The following GALNT2 variants were observed in gnomAD, a reference collection of about 807,000 sequenced individuals.
The protein encoded by GALNT2 is UDP-GalNAc:polypeptide N-acetylgalactosaminyltransferase 2.
GALNT2 carries 31 observed loss-of-function variants against 81.4 expected under a neutral mutation model. The observed-to-expected ratio is 0.38, with a 90% CI of 0.29 to 0.51. GALNT2 has a LOEUF of 0.51. Ranked by LOEUF, GALNT2 falls within the 20% of genes least tolerant of loss-of-function variation. GALNT2 has a pLI of 0.87. For missense variants in GALNT2, 629 were observed against 765.7 expected (o/e 0.82, Z 2.11); for synonymous variants, 303 against 287.4 (o/e 1.05, Z -0.55).
intron 1 of GALNT2, among the ~76,000 whole-genome samples, chr1:230,122,199 G>A (rs1661037772): frequency 6.6e-6 from 1 of 151,912 alleles, no homozygotes; most frequent in Non-Finnish European, 1.5e-5. Context: ...ACAGACAGCT[G>A]GTGCTTTCCT....
chr1:230,101,223 A>G (rs1166481249), intron 1 of GALNT2, among the ~76,000 whole-genome samples: 3 of 152,250 alleles, frequency 2.0e-5, no homozygotes, highest in Admixed American at 1.3e-4. Context: ...ACATATGTGT[A>G]TGCCTGTATA....
intron 13 of GALNT2, 87 bp downstream of exon 13, chr1:230,263,092 G>A (rs1455170670): frequency 8.9e-7 from 1 of 1,122,604 alleles, no homozygotes; most frequent in Non-Finnish European, 1.3e-6. Context: ...AATGGAGGTG[G>A]GGCTGCAGGC....
chr1:230,175,103 A>G (rs926100038), intron 1 of GALNT2, among the ~76,000 whole-genome samples: 7 of 152,156 alleles, frequency 4.6e-5, no homozygotes, highest in African/African-American at 9.7e-5. Context: ...GTAGGGGTGG[A>G]GAGAAGAGAG....
intron 6 of GALNT2, among the ~76,000 whole-genome samples, chr1:230,240,241 G>C (rs553176755): frequency 6.6e-6 from 1 of 152,090 alleles, no homozygotes; most frequent in African/African-American, 2.4e-5. Context: ...TGTTATTGGA[G>C]GCTATTTTCT....
chr1:230,074,979 C>T (rs1257003270), intron 1 of GALNT2, among the ~76,000 whole-genome samples: 1 of 152,220 alleles, frequency 6.6e-6, no homozygotes, highest in Non-Finnish European at 1.5e-5. Flanking sequence ...ACCTGGCTTG[C>T]TCCTGCTCCC....
Position 230,243,449 on chromosome 1 carries a change from G to A in GALNT2, c.729+22G>A, listed in dbSNP as rs954628887. The A allele has an allele frequency of 1.9e-6, 3 of 1,607,574 alleles. No individual in the cohort carries two copies. Among genetic ancestry groups the A allele is most frequent in the South Asian group, 2.2e-5 (2 of 90,802 alleles). ...GGAGGTGAGATGACGGGGGCTGGGAGGGGTGTCAGGTCGTGGGTGGTTGGT... is the reference window on the plus strand; with the variant it reads ...GGAGGTGAGATGACGGGGGCTGGGAAGGGTGTCAGGTCGTGGGTGGTTGGT... On this transcript the variant is annotated intron_variant, in intron 7 of 15. Transcript: ENST00000366672. The surrounding 1 kb of genome is among the most constrained non-coding windows in gnomAD (Gnocchi z 4.2).
At chr1:230,067,222 G>T, upstream of GALNT2, 1 of 1,122,906 alleles carries the variant, frequency 8.9e-7, no homozygotes, top group African/African-American at 1.7e-5. Flanking sequence ...CCGCGCCCGC[G>T]GCCGGCCCAG....
At chr1:230,117,890 G>A (rs1431143093) in intron 1 of GALNT2, among the ~76,000 whole-genome samples, 1 of 152,222 alleles carries the variant, frequency 6.6e-6, no homozygotes, top group Non-Finnish European at 1.5e-5. Context: ...AAGCATATCA[G>A]TGTGAAGTGC....
rs544166311 is a variant in GALNT2, at chr1:230,279,242, G to A, written c.1561-61G>A. 12 of 1,535,782 alleles carry A rather than the reference G, an allele frequency of 7.8e-6. No individual in the cohort carries two copies. The highest frequency in any genetic ancestry group is 6.1e-5 in the South Asian group (5 of 81,968). ...CAGCCACAAGGTCCTGAATTCACAC[G>A]AATCTGTTTGTACTCCTTTGCTTGT... On this transcript the variant is annotated intron_variant, in intron 15 of 15. Transcript: ENST00000366672. The surrounding 1 kb of genome is among the most constrained non-coding windows in gnomAD (Gnocchi z 4.6).
chr1:230,203,755 G>C (rs984164590), intron 3 of GALNT2, among the ~76,000 whole-genome samples: 8 of 152,176 alleles, frequency 5.3e-5, no homozygotes, highest in African/African-American at 1.9e-4. Context: ...ATGTTAAATT[G>C]AGCAGAAACA....
intron 3 of GALNT2, among the ~76,000 whole-genome samples, chr1:230,217,298 G>A (rs1168467852): frequency 6.6e-6 from 1 of 152,232 alleles, no homozygotes; most frequent in Admixed American, 6.5e-5. Context: ...TTTAGGCAAA[G>A]ACCTGAGGGA....
chr1:230,238,273 G>C (rs1665092846), intron 6 of GALNT2, among the ~76,000 whole-genome samples: 1 of 152,170 alleles, frequency 6.6e-6, no homozygotes, highest in Non-Finnish European at 1.5e-5. Context: ...AGTGAAAGCA[G>C]TCTTAGGATC....
chr1:230,134,198 T>C (rs1184111537), intron 1 of GALNT2, among the ~76,000 whole-genome samples: 1 of 149,554 alleles, frequency 6.7e-6, no homozygotes, highest in Admixed American at 6.7e-5. Context: ...AAGCTCTGCC[T>C]CCCGGGTTCA....
chr1:230,074,563 T>C (rs1245351540), intron 1 of GALNT2, among the ~76,000 whole-genome samples: 1 of 152,166 alleles, frequency 6.6e-6, no homozygotes, highest in Non-Finnish European at 1.5e-5. Flanking sequence ...TTGCCCTTGG[T>C]AGAGAACCAC....
chr1:230,262,657 T>G lies in GALNT2; in HGVS notation c.1221T>G (p.Pro407=). The G allele has an allele frequency of 6.2e-7, 1 of 1,613,452 alleles. No individual in the cohort carries two copies. Among genetic ancestry groups the G allele is most frequent in the South Asian group, 1.1e-5 (1 of 91,050 alleles). ...CAGTGCCTTCTGCTAGAAACGTTCC[T>G]TATGGAAAGTAAGTGGCAGTTCTGC... The part of the protein sequence containing the change: ...YAAVPSARNV[P]YGNIQSRLEL... The change falls in exon 12 of 16, where the codon CCT becomes CCG. Residue 407 remains proline (P), a synonymous_variant. Transcript: ENST00000366672.
At chr1:230,067,233 G>C (rs533432248), upstream of GALNT2, 418 of 1,199,328 alleles carry the variant, frequency 3.5e-4, no homozygotes, top group African/African-American at 6.3e-3. Context: ...GCCGGCCCAG[G>C]CAGCACTCGC....
intron 2 of GALNT2, among the ~76,000 whole-genome samples, chr1:230,189,572 G>A (rs1182978321): frequency 6.6e-6 from 1 of 152,226 alleles, no homozygotes; most frequent in African/African-American, 2.4e-5. Flanking sequence ...GCATCAGAGA[G>A]GAGTGTTCCC....
At chr1:230,163,579 A>G (rs1662504332) in intron 1 of GALNT2, among the ~76,000 whole-genome samples, 1 of 152,258 alleles carries the variant, frequency 6.6e-6, no homozygotes. Context: ...ATCACAGTGG[A>G]TAGAAAACAT....
chr1:230,115,446 TACACTGTATTGCCGTCTGTGA>T (rs1454846045), intron 1 of GALNT2, among the ~76,000 whole-genome samples: 2 of 152,374 alleles, frequency 1.3e-5, no homozygotes, highest in African/African-American at 4.8e-5. Flanking sequence ...AAGTTATGTT[TACACTGTATTGCCGTCTGTGA>T]ATAGGGCAGT....
Sources: allele counts gnomAD v4.1 joint callset (sites outside exome capture counted in the v4.1 genomes callset), GRCh38; gene constraint gnomAD v4.1.1; non-coding constraint Gnocchi (gnomAD v3.1); transcripts MANE v1.5; gene names NCBI Gene and HGNC (gene_info 2026-07-23, HGNC 2026-07-21).